The following RIMS2 variants were observed in gnomAD, a reference collection of about 807,000 sequenced individuals.
RIMS2 encodes regulating synaptic membrane exocytosis 2.
Under a neutral mutation model 174.4 loss-of-function variants are expected in RIMS2, and 59 were observed. The observed-to-expected ratio is 0.34, with a 90% CI of 0.27 to 0.42. The LOEUF (loss-of-function observed/expected upper bound fraction) is 0.42, where lower values mean the gene tolerates loss of function less well. RIMS2 is among the 10% of genes least tolerant of loss of function. RIMS2 has a pLI of 1.00. For missense variants in RIMS2, 1,620 were observed against 1,666.3 expected (o/e 0.97, Z 0.48); for synonymous variants, 606 against 572.5 (o/e 1.06, Z -0.84).
chr8:103,758,405 G>T (rs2098057932), intron 2 of RIMS2, among the ~76,000 whole-genome samples: 1 of 152,112 alleles, frequency 6.6e-6, no homozygotes, highest in East Asian at 1.9e-4. Flanking sequence ...TGGAGGCTTT[G>T]TTCAGTGTCA....
chr8:103,596,642 CT>C (rs2094489039), intron 1 of RIMS2, among the ~76,000 whole-genome samples: 1 of 152,010 alleles, frequency 6.6e-6, no homozygotes, highest in Non-Finnish European at 1.5e-5. Context: ...TATTGAAACA[CT>C]ACCATGTACT....
chr8:103,964,679 G>A lies in RIMS2; in HGVS notation c.2770+3546G>A, dbSNP rs370644687. On this transcript the variant is annotated intron_variant, in intron 15 of 23. Transcript: ENST00000504942. Reference sequence around the variant, plus strand: ...GCAGTTTTAATTTCATTGAAATTCAGGTTATTAATCATTTCTTTCATCAAT... The same window carrying A: ...GCAGTTTTAATTTCATTGAAATTCAAGTTATTAATCATTTCTTTCATCAAT... 2.6e-4 allele frequency among the ~76,000 whole-genome samples: 40 copies of A among 152,080 alleles called. No individual in the cohort carries two copies. The East Asian group carries it at 7.4e-3, about 28-fold the overall frequency.
At position 103,518,579 on chromosome 8, in the gene RIMS2, T is replaced by C. The variant is rs192469652; in HGVS notation, c.176+17517T>C. Among the ~76,000 whole-genome samples, 134 of 151,960 alleles carry C rather than the reference T, an allele frequency of 8.8e-4. 1 individual carries two copies. The highest frequency in any genetic ancestry group is 2.8e-3 in the African/African-American group (118 of 41,550). ...ATTTTAATATTAATTTATATATTGA[T>C]TTTTATATTAATTTTATATTGCTGT... On this transcript the variant is annotated intron_variant, in intron 1 of 23. Transcript: ENST00000504942.
chr8:104,075,985 G>A (rs1419629072), intron 19 of RIMS2, among the ~76,000 whole-genome samples: 2 of 152,170 alleles, frequency 1.3e-5, no homozygotes, highest in East Asian at 3.9e-4. Context: ...CCATCCTCCA[G>A]GATTTTAATT....
At chr8:103,542,248 G>A (rs925861928) in intron 1 of RIMS2, among the ~76,000 whole-genome samples, 9 of 152,044 alleles carry the variant, frequency 5.9e-5, no homozygotes, top group African/African-American at 1.9e-4. Flanking sequence ...AGAAAAATAC[G>A]ATTAATTCTT....
At chr8:103,988,383 A>G (rs747642539) in intron 16 of RIMS2, among the ~76,000 whole-genome samples, 33 of 152,178 alleles carry the variant, frequency 2.2e-4, no homozygotes, top group Non-Finnish European at 3.4e-4. Flanking sequence ...ATGACATGCC[A>G]TGTCTTAATT....
chr8:104,206,384 G>A (rs1426104241), intron 19 of RIMS2, among the ~76,000 whole-genome samples: 1 of 152,160 alleles, frequency 6.6e-6, no homozygotes, highest in Non-Finnish European at 1.5e-5. Flanking sequence ...TCAGCAATAT[G>A]TTAGCTGCAT....
chr8:104,228,486 TAAG>T (rs1202261548), intron 19 of RIMS2, among the ~76,000 whole-genome samples: 1 of 152,200 alleles, frequency 6.6e-6, no homozygotes, highest in Non-Finnish European at 1.5e-5. Flanking sequence ...GCCGTTGAAA[TAAG>T]AAAAATTCTT....
At chr8:103,670,122 C>T (rs2096727038) in intron 1 of RIMS2, among the ~76,000 whole-genome samples, 1 of 152,240 alleles carries the variant, frequency 6.6e-6, no homozygotes, top group South Asian at 2.1e-4. Context: ...CACCCTCAGG[C>T]TCAACACCAG....
intron 19 of RIMS2, among the ~76,000 whole-genome samples, chr8:104,136,128 G>T (rs2098517508): frequency 6.6e-6 from 1 of 152,148 alleles, no homozygotes; most frequent in South Asian, 2.1e-4. Context: ...AATCATCCAT[G>T]TACTTTGTTC....
intron 19 of RIMS2, among the ~76,000 whole-genome samples, chr8:104,130,733 C>T (rs928027892): frequency 2.6e-5 from 4 of 152,076 alleles, no homozygotes; most frequent in African/African-American, 9.7e-5. Context: ...AAAGAAAGCA[C>T]ATCAAAGTTA....
chr8:103,503,643 A>T (rs992440207), intron 1 of RIMS2, among the ~76,000 whole-genome samples: 3 of 152,032 alleles, frequency 2.0e-5, no homozygotes, highest in Non-Finnish European at 2.9e-5. Context: ...ATGTTAAAAA[A>T]TACATTTGAT....
chr8:104,035,858 G>GA (rs1368112000), intron 19 of RIMS2, among the ~76,000 whole-genome samples: 1 of 151,824 alleles, frequency 6.6e-6, no homozygotes, highest in Non-Finnish European at 1.5e-5. Context: ...ATTCTTAATT[G>GA]AAAAAATTTA....
intron 2 of RIMS2, among the ~76,000 whole-genome samples, chr8:103,705,915 A>G (rs1053968961): frequency 2.0e-5 from 3 of 151,400 alleles, no homozygotes; most frequent in African/African-American, 4.9e-5. Flanking sequence ...AGTATTATTG[A>G]TCAGTAACCA....
intron 3 of RIMS2, among the ~76,000 whole-genome samples, chr8:103,799,285 T>C (rs888947002): frequency 6.6e-6 from 1 of 152,196 alleles, no homozygotes; most frequent in Non-Finnish European, 1.5e-5. Flanking sequence ...ACCATTTAAT[T>C]GGTGGTAATT....
intron 3 of RIMS2, among the ~76,000 whole-genome samples, chr8:103,834,545 G>C (rs1284623862): frequency 6.6e-6 from 1 of 151,104 alleles, no homozygotes; most frequent in Non-Finnish European, 1.5e-5. Context: ...GATTTTGGCA[G>C]TGTTTTTAAT....
chr8:104,239,265 A>G (rs2099274538), intron 19 of RIMS2, among the ~76,000 whole-genome samples: 2 of 152,152 alleles, frequency 1.3e-5, no homozygotes, highest in South Asian at 4.1e-4. Context: ...CTTTTGTTTA[A>G]TCAAATGGCT....
chr8:103,583,401 C>T (rs2093726411), intron 1 of RIMS2, among the ~76,000 whole-genome samples: 1 of 152,104 alleles, frequency 6.6e-6, no homozygotes, highest in African/African-American at 2.4e-5. Flanking sequence ...CTGCTAGCAT[C>T]AACACCATCT....
intron 1 of RIMS2, among the ~76,000 whole-genome samples, chr8:103,601,611 A>C (rs1394780784): frequency 1.3e-5 from 2 of 151,184 alleles, no homozygotes; most frequent in Non-Finnish European, 2.9e-5. Flanking sequence ...TTTTTTTTTC[A>C]TCTATTCAGC....
Sources: allele counts gnomAD v4.1 joint callset (sites outside exome capture counted in the v4.1 genomes callset), GRCh38; gene constraint gnomAD v4.1.1; transcripts MANE v1.5; gene names NCBI Gene and HGNC (gene_info 2026-07-23, HGNC 2026-07-21).